Variants in DDC observed in about 807,000 individuals in gnomAD.
DDC encodes the protein aromatic-L-amino-acid decarboxylase.
In DDC, 43 loss-of-function variants were observed where a neutral mutation model predicts 60.0. The ratio of observed to expected loss-of-function variants is 0.72; its 90% confidence interval spans 0.56 to 0.92. DDC has a LOEUF of 0.92. Ranked by LOEUF, DDC falls within the 40% of genes least tolerant of loss-of-function variation. The pLI is 0.00. For missense variants in DDC, 573 were observed against 620.2 expected, an observed-to-expected ratio of 0.92 and a Z score of 0.81; for synonymous variants, 232 against 234.6, an observed-to-expected ratio of 0.99 and a Z score of 0.10.
At chr7:50,507,020 A>G (rs1374097151) in intron 6 of DDC, among the ~76,000 whole-genome samples, 1 of 152,226 alleles carries the variant, frequency 6.6e-6, no homozygotes, top group Non-Finnish European at 1.5e-5. Context: ...CACTTTGTCT[A>G]AGACACCTGG....
Position 50,539,937 on chromosome 7 carries a change from A to G in DDC, c.293T>C (p.Ile98Thr), listed in dbSNP as rs922174349. ...AMLADMLCGA[I>T]GCIGFSWAAS... ...CACCCAGGAGAAGCCGATGCAGCCA[A>G]TGGCCCCGCACAGCATGTCCGCAAG... The change falls in exon 3 of 15, where the codon ATT becomes ACT. Residue 98 changes from isoleucine to threonine, a missense_variant. Physicochemically the swap from Ile to Thr is moderately conservative, Grantham distance 89. Transcript: ENST00000444124. 3.1e-6 allele frequency: 5 copies of G among 1,613,940 alleles called. No homozygotes were observed. Among genetic ancestry groups the G allele is most frequent in the Non-Finnish European group, 4.2e-6 (5 of 1,179,902 alleles).
At chr7:50,517,063 C>A (rs1485847393) in intron 6 of DDC, among the ~76,000 whole-genome samples, 1 of 152,132 alleles carries the variant, frequency 6.6e-6, no homozygotes, top group Non-Finnish European at 1.5e-5. Context: ...CTCCCTAATT[C>A]ATTCTATGAA....
chr7:50,514,455 C>T (rs943218937), intron 6 of DDC, among the ~76,000 whole-genome samples: 1 of 152,124 alleles, frequency 6.6e-6, no homozygotes, highest in Non-Finnish European at 1.5e-5. Flanking sequence ...CACTAGTTCA[C>T]CAGCAATGGA....
chr7:50,559,777 G>A (rs541516952), intron 1 of DDC, among the ~76,000 whole-genome samples: 28 of 152,250 alleles, frequency 1.8e-4, no homozygotes, highest in African/African-American at 5.8e-4. Context: ...TCCTAGAGCC[G>A]TTCCCTAAAC....
At chr7:50,537,429 A>G (rs542330991) in intron 4 of DDC, among the ~76,000 whole-genome samples, 1 of 152,358 alleles carries the variant, frequency 6.6e-6, no homozygotes, top group South Asian at 2.1e-4. Context: ...AAGGGCTATT[A>G]AAATGTTTCT....
rs199872159 is a variant in DDC, at chr7:50,463,378, T to A, written c.1296A>T (p.Lys432Asn). Residue 432 changes from lysine (K) to asparagine (N), a missense_variant, in exon 14 of 15, where the codon AAA (lysine) becomes AAT (asparagine). Physicochemically the swap from Lys to Asn is moderately conservative, Grantham distance 94. Coordinates refer to ENST00000444124, the MANE Select transcript of DDC (RefSeq NM_001082971.2). ...ALLQRINSAK[K>N]IHLVPCHLRD... ...TGAGGTGACATGGAACCAAGTGGAT[T>A]TTTTTGGCACTGTTTATTCTTTGCA... 1.1e-4 allele frequency: 171 copies of A among 1,614,092 alleles called. No individual in the cohort carries two copies. Among genetic ancestry groups the A allele is most frequent in the Non-Finnish European group, 1.4e-4 (165 of 1,180,040 alleles).
chr7:50,496,436 T>TCC (rs2043128733), intron 8 of DDC, among the ~76,000 whole-genome samples: 1 of 152,098 alleles, frequency 6.6e-6, no homozygotes, highest in African/African-American at 2.4e-5. Flanking sequence ...AGCTACAGGC[T>TCC]CCCGTAGCTG....
At chr7:50,548,021 G>C (rs79012332) in intron 1 of DDC, among the ~76,000 whole-genome samples, 13,968 of 152,204 alleles carry the variant, frequency 0.092, 723 homozygotes, top group South Asian at 0.12. Context: ...TTATTAATCT[G>C]TTATAGTGAT....
At chr7:50,488,705 T>C (rs960791600) in intron 9 of DDC, among the ~76,000 whole-genome samples, 29 of 152,312 alleles carry the variant, frequency 1.9e-4, no homozygotes, top group African/African-American at 7.0e-4. Flanking sequence ...TGGGCTTTGA[T>C]ATTAAAAATA....
At chr7:50,530,824 G>A (rs2044181014) in intron 4 of DDC, among the ~76,000 whole-genome samples, 1 of 152,214 alleles carries the variant, frequency 6.6e-6, no homozygotes, top group African/African-American at 2.4e-5. Context: ...TTTATAACAT[G>A]ATAGGTTTTT....
At chr7:50,490,811 G>A (rs2042983428) in intron 9 of DDC, among the ~76,000 whole-genome samples, 1 of 152,176 alleles carries the variant, frequency 6.6e-6, no homozygotes, top group Admixed American at 6.5e-5. Flanking sequence ...TATGGCAAAT[G>A]ATTATTCTTG....
At chr7:50,537,026 G>C (rs539027772) in intron 4 of DDC, among the ~76,000 whole-genome samples, 83 of 134,072 alleles carry the variant, frequency 6.2e-4, no homozygotes, top group African/African-American at 2.2e-3. Context: ...CATATTCCAT[G>C]CTAGGAAGTT....
rs1003988029 is a variant in DDC at position 50,511,028 on chromosome 7, T to C, written c.715-6969A>G. 7.2e-5 allele frequency among the ~76,000 whole-genome samples: 10 copies of C among 139,032 alleles called. No individual in the cohort carries two copies. In the Admixed American group the frequency reaches 7.3e-4, roughly 10 times the overall value. The allele number at this position is 139,032 out of a possible 152,430, so 91.2% of individuals were successfully genotyped here. ...ACTCAACTGTTTAACACTAGCTTAT[T>C]GCTAGGATATTAGGATATATCTATA... is the stretch of plus-strand genomic sequence containing the variant. On this transcript the variant is annotated intron_variant, in intron 6 of 14. Transcript: ENST00000444124.
intron 1 of DDC, among the ~76,000 whole-genome samples, chr7:50,555,291 GGAGACAA>G (rs2045145919): frequency 1.3e-5 from 2 of 152,122 alleles, no homozygotes; most frequent in South Asian, 4.2e-4. Flanking sequence ...AGTCAGTGGG[GGAGACAA>G]GAGATCTGTT....
chr7:50,520,879 CAG>C (rs1467900917), intron 6 of DDC, among the ~76,000 whole-genome samples: 2 of 150,880 alleles, frequency 1.3e-5, no homozygotes, highest in Non-Finnish European at 1.5e-5. Context: ...GCCTAGGCAA[CAG>C]AGTAAGACTC....
chr7:50,485,484 T>C (rs913373950), intron 9 of DDC, among the ~76,000 whole-genome samples: 3 of 152,220 alleles, frequency 2.0e-5, no homozygotes, highest in African/African-American at 7.2e-5. Flanking sequence ...ACACTTCTAA[T>C]TTTAAAGAAT....
At chr7:50,466,511 A>AC (rs1562980102) in intron 13 of DDC, among the ~76,000 whole-genome samples, 2 of 147,388 alleles carry the variant, frequency 1.4e-5, no homozygotes, top group African/African-American at 2.6e-5. Flanking sequence ...AAAAAAAAAA[A>AC]AAAAAACCTT....
At chr7:50,501,805 G>A (rs2153540184) in intron 7 of DDC, among the ~76,000 whole-genome samples, 1 of 152,324 alleles carries the variant, frequency 6.6e-6, no homozygotes, top group African/African-American at 2.4e-5. Flanking sequence ...CGGACACAGT[G>A]GGTTACGCCT....
intron 9 of DDC, among the ~76,000 whole-genome samples, chr7:50,490,468 A>G (rs2042975365): frequency 6.6e-6 from 1 of 152,220 alleles, no homozygotes. Flanking sequence ...CAGGAGATCG[A>G]GATCATCCTG....
Sources: allele counts gnomAD v4.1 joint callset (sites outside exome capture counted in the v4.1 genomes callset), GRCh38; gene constraint gnomAD v4.1.1; transcripts MANE v1.5; gene names NCBI Gene and HGNC (gene_info 2026-07-23, HGNC 2026-07-21).